Variants in PAIP2B observed in about 807,000 individuals in gnomAD.
The protein encoded by PAIP2B is polyadenylate-binding protein-interacting protein 2B.
Under a neutral mutation model 17.0 loss-of-function variants are expected in PAIP2B, and 13 were observed. The observed-to-expected ratio is 0.76, with a 90% CI of 0.50 to 1.22. PAIP2B has a LOEUF of 1.22. PAIP2B is among the 50% of genes most tolerant of loss of function. PAIP2B has a pLI of 0.00. For synonymous variants in PAIP2B, 43 were observed against 48.7 expected (o/e 0.88, Z 0.48); for missense variants, 117 against 144.5 (o/e 0.81, Z 0.98).
intron 1 of PAIP2B, among the ~76,000 whole-genome samples, chr2:71,213,549 G>A (rs896308872): frequency 6.6e-5 from 10 of 152,284 alleles, no homozygotes; most frequent in African/African-American, 1.7e-4. Context: ...AAGTCGAGTC[G>A]TACATTCAGA....
intron 1 of PAIP2B, among the ~76,000 whole-genome samples, chr2:71,205,576 C>T (rs1363831022): frequency 6.6e-6 from 1 of 152,150 alleles, no homozygotes; most frequent in Non-Finnish European, 1.5e-5. Context: ...GGGGAAGACA[C>T]AAGGGAAGAC....
chr2:71,201,107 C>CT (rs773328247), intron 2 of PAIP2B, among the ~76,000 whole-genome samples: 62 of 152,062 alleles, frequency 4.1e-4, no homozygotes, highest in Non-Finnish European at 5.6e-4. Flanking sequence ...TACCTTGTCT[C>CT]TGAGTTTGCT....
intron 1 of PAIP2B, among the ~76,000 whole-genome samples, chr2:71,203,431 T>G (rs1343206080): frequency 6.6e-6 from 1 of 152,144 alleles, no homozygotes; most frequent in Non-Finnish European, 1.5e-5. Flanking sequence ...CTAAGGCTCT[T>G]GGCATTGCCA....
intron 1 of PAIP2B, among the ~76,000 whole-genome samples, chr2:71,218,769 A>G (rs1338349503): frequency 1.3e-5 from 2 of 151,610 alleles, no homozygotes; most frequent in African/African-American, 2.4e-5. Flanking sequence ...GGATATATTT[A>G]CTGCCACAGA....
rs1049509713 is a variant in PAIP2B at position 71,189,889 on chromosome 2, T to C, written c.271A>G (p.Asn91Asp). The change falls in exon 3 of 4, where the codon AAT becomes GAT. Residue 91 changes from asparagine (N) to aspartate (D), a missense_variant. Physicochemically the swap from Asn to Asp is conservative, Grantham distance 23. Transcript: ENST00000244221. ...TGACCTTCACTGACTGACAGTCCAT[T>C]TAACTGCTGTTGCAACTGTCCCATG... The part of the protein sequence containing the change: ...QAMGQLQQQL[N>D]GLSVSEGHDS... 1 of 1,569,242 alleles carries C rather than the reference T, an allele frequency of 6.4e-7. No individual in the cohort carries two copies. Among genetic ancestry groups the C allele is most frequent in the Non-Finnish European group, 8.6e-7 (1 of 1,156,654 alleles).
intron 2 of PAIP2B, among the ~76,000 whole-genome samples, chr2:71,191,891 C>T (rs538020343): frequency 3.3e-5 from 5 of 152,292 alleles, no homozygotes; most frequent in African/African-American, 9.6e-5. Flanking sequence ...TAAAACAATG[C>T]GTTACTGCTG....
At chr2:71,226,516 CG>C (rs1675732961) in intron 1 of PAIP2B, among the ~76,000 whole-genome samples, 1 of 152,134 alleles carries the variant, frequency 6.6e-6, no homozygotes, top group African/African-American at 2.4e-5. Context: ...CGCTCCAGCC[CG>C]GGGAGAGGGG....
At chr2:71,212,580 CTG>C (rs1675328410) in intron 1 of PAIP2B, among the ~76,000 whole-genome samples, 1 of 152,194 alleles carries the variant, frequency 6.6e-6, no homozygotes, top group African/African-American at 2.4e-5. Flanking sequence ...ACTCTGGAAT[CTG>C]TTTTTGACAA....
At chr2:71,221,587 CAT>C (rs1675582049) in intron 1 of PAIP2B, among the ~76,000 whole-genome samples, 3 of 152,284 alleles carry the variant, frequency 2.0e-5, no homozygotes, top group South Asian at 2.1e-4. Flanking sequence ...GAATATTTGA[CAT>C]GTGTCAATTA....
chr2:71,226,446 A>C (rs1484224132), intron 1 of PAIP2B, among the ~76,000 whole-genome samples: 1 of 152,198 alleles, frequency 6.6e-6, no homozygotes, highest in African/African-American at 2.4e-5. Context: ...AGCAAGTATA[A>C]AAAGGCAGAG....
chr2:71,220,459 G>T (rs1286119915), intron 1 of PAIP2B, among the ~76,000 whole-genome samples: 1 of 152,180 alleles, frequency 6.6e-6, no homozygotes, highest in Non-Finnish European at 1.5e-5. Context: ...CAGTATGGTG[G>T]ATCTGTGGAG....
rs1674592411 is a variant in PAIP2B at position 71,188,212 on chromosome 2, G to A, written c.*267C>T. 2.1e-6 allele frequency: 1 copy of A among 473,732 alleles called. No individual in the cohort carries two copies. Among genetic ancestry groups the A allele is most frequent in the South Asian group, 3.1e-5 (1 of 31,864 alleles). The allele number at this position is 473,732 out of a possible 1,614,324, so 29.3% of individuals were successfully genotyped here. ...ACACTTCTGATGAAGGGGGGAAAATGCAATTTCCTTAACTCGAAAGAGCTA... is the reference window on the plus strand; with the variant it reads ...ACACTTCTGATGAAGGGGGGAAAATACAATTTCCTTAACTCGAAAGAGCTA... On this transcript the variant is annotated 3_prime_UTR_variant, in exon 4 of 4. Coordinates refer to ENST00000244221, the MANE Select transcript of PAIP2B (RefSeq NM_020459.1).
rs1674434669 is a variant in PAIP2B, at chr2:71,182,847, C to T, written c.*5632G>A. The T allele has an allele frequency of 1.3e-5, 2 of 151,734 alleles. No homozygotes were observed. Among genetic ancestry groups the T allele is most frequent in the Admixed American group, 6.6e-5 (1 of 15,224 alleles). The allele number at this position is 151,734 out of a possible 1,614,324, so 9.4% of individuals were successfully genotyped here. On this transcript the variant is annotated 3_prime_UTR_variant, in exon 4 of 4. Transcript: ENST00000244221. ...TTGATATTTTTATGAAAATTATTTT[C>T]TTCAGTTTTAAAGCCCTGTCCCTCC...
At chr2:71,221,010 GAGA>G (rs1273046803) in intron 1 of PAIP2B, among the ~76,000 whole-genome samples, 9 of 152,352 alleles carry the variant, frequency 5.9e-5, no homozygotes, top group Admixed American at 4.6e-4. Context: ...TTCACAGGCA[GAGA>G]AGAAGTAAAT....
At chr2:71,191,722 C>T (rs1048050905) in intron 2 of PAIP2B, among the ~76,000 whole-genome samples, 1 of 152,196 alleles carries the variant, frequency 6.6e-6, no homozygotes, top group Non-Finnish European at 1.5e-5. Flanking sequence ...GCCTTTGGTG[C>T]TCTCCCTTTC....
chr2:71,193,834 C>CT (rs113277097), intron 2 of PAIP2B, among the ~76,000 whole-genome samples: 11,162 of 148,250 alleles, frequency 0.075, 428 homozygotes, highest in African/African-American at 0.087. Flanking sequence ...AAGACTCTGT[C>CT]CCAAAAAAAA....
At chr2:71,199,733 T>C (rs1213882016) in intron 2 of PAIP2B, among the ~76,000 whole-genome samples, 1 of 152,116 alleles carries the variant, frequency 6.6e-6, no homozygotes, top group East Asian at 1.9e-4. Context: ...ATCTTCTCTC[T>C]TAAAAATTCT....
intron 3 of PAIP2B, among the ~76,000 whole-genome samples, 159 bp downstream of exon 3, chr2:71,189,686 A>G (rs936602548): frequency 6.6e-6 from 1 of 152,214 alleles, no homozygotes; most frequent in Admixed American, 6.5e-5. Context: ...TGCATCTTTA[A>G]TGCACCCCTT....
chr2:71,206,883 T>C (rs1453343065), intron 1 of PAIP2B, among the ~76,000 whole-genome samples: 1 of 152,252 alleles, frequency 6.6e-6, no homozygotes, highest in South Asian at 2.1e-4. Context: ...GTCTGGTTAA[T>C]ACCATTTTAA....
Sources: gnomAD v4.1 joint callset for allele counts (sites outside exome capture counted in the v4.1 genomes callset) on GRCh38, gnomAD v4.1.1 for gene constraint, MANE v1.5 for transcripts, NCBI Gene and HGNC (gene_info 2026-07-23, HGNC 2026-07-21) for gene names.